Variants in ANKRD17 observed in about 807,000 individuals in gnomAD.
ANKRD17 encodes ankyrin repeat domain 17.
ANKRD17 carries 19 observed loss-of-function variants against 229.7 expected under a neutral mutation model. The observed-to-expected ratio is 0.08, with a 90% CI of 0.06 to 0.12. The LOEUF (loss-of-function observed/expected upper bound fraction) is 0.12, where lower values mean the gene tolerates loss of function less well. Among genes scored for constraint, ANKRD17 ranks in the 10% least tolerant of loss-of-function variants. The pLI is 1.00. For missense variants in ANKRD17, 2,176 were observed against 3,176.8 expected (o/e 0.68, Z 7.57); for synonymous variants, 1,112 against 1,146.1 (o/e 0.97, Z 0.60).
At chr4:73,098,901 G>C in intron 25 of ANKRD17, 8 of 1,145,122 alleles carry the variant, frequency 7.0e-6, no homozygotes, top group Non-Finnish European at 1.1e-5. Context: ...CGGGGCCGGG[G>C]CAGGCCCCGC....
rs995575981 is a variant in ANKRD17 at position 73,074,790 on chromosome 4, A to C, written c.*1441T>G. ...AAAAAGAAGACAAATTGATATATAC[A>C]TTACTCGATTTTTATGCTTACTTTC... On this transcript the variant is annotated 3_prime_UTR_variant, in exon 34 of 34. Coordinates refer to ENST00000358602, the MANE Select transcript of ANKRD17 (RefSeq NM_032217.5). 6.6e-6 allele frequency: 1 copy of C among 152,414 alleles called. No homozygotes were observed. Among genetic ancestry groups the C allele is most frequent in the African/African-American group, 2.4e-5 (1 of 41,442 alleles). 9.4% of individuals were successfully genotyped at this position (152,414 alleles called of 1,614,324 possible).
intron 16 of ANKRD17, among the ~76,000 whole-genome samples, chr4:73,128,637 A>T (rs1453277402): frequency 6.6e-6 from 1 of 152,216 alleles, no homozygotes; most frequent in Non-Finnish European, 1.5e-5. Flanking sequence ...ACAGGACTCA[A>T]AGAAGCTTAC....
At chr4:73,086,587 C>T (rs569157026) in intron 29 of ANKRD17, among the ~76,000 whole-genome samples, 3 of 151,048 alleles carry the variant, frequency 2.0e-5, no homozygotes, top group South Asian at 4.2e-4. Flanking sequence ...TAATTGTCAA[C>T]GATTTTTTTT....
chr4:73,142,519 A>G (rs755509533), intron 12 of ANKRD17, 121 bp downstream of exon 12: 85 of 1,584,734 alleles, frequency 5.4e-5, no homozygotes, highest in Non-Finnish European at 7.2e-5. Context: ...CTTCAAGTGA[A>G]AAAGGAGAAA....
chr4:73,232,612 C>T (rs1474432740), intron 1 of ANKRD17, among the ~76,000 whole-genome samples: 1 of 152,154 alleles, frequency 6.6e-6, no homozygotes, highest in Non-Finnish European at 1.5e-5. Flanking sequence ...ATCCCTGTGT[C>T]TTCTATTTGT....
Position 73,078,686 on chromosome 4 carries a change from C to T in ANKRD17, c.7364G>A (p.Gly2455Glu), listed in dbSNP as rs1442849943. Residue 2455 changes from glycine to glutamate, a missense_variant, in exon 31 of 34, where the codon GGA becomes GAA. By Grantham distance (98) the Gly-to-Glu change is moderately conservative. This residue lies in a region of ANKRD17 where 159 missense variants were observed against 214.3 expected (regional missense o/e 0.74). Transcript: ENST00000358602. ...TTCAAAGGACCAGATGCCACTATGT[C>T]CTACTGATGTAGACAAATTGCTCCC... ...VIGSNLSTSV[G>E]HSGIWSFEGI... 6.2e-7 allele frequency: 1 copy of T among 1,614,108 alleles called. No homozygotes were observed. The highest frequency in any genetic ancestry group is 1.3e-5 in the African/African-American group (1 of 74,940).
At chr4:73,077,648 C>T in intron 31 of ANKRD17, 115 bp from the exon 32 acceptor site, 2 of 863,160 alleles carry the variant, frequency 2.3e-6, no homozygotes. Context: ...ATATAATGAC[C>T]TACTTTTATA....
chr4:73,092,405 TG>T, intron 28 of ANKRD17, 105 bp from the exon 29 acceptor site: 1 of 889,438 alleles, frequency 1.1e-6, no homozygotes, highest in Non-Finnish European at 1.7e-6. Context: ...CAGTTTTGTG[TG>T]TATATACATA....
chr4:73,230,254 T>C (rs1288771262), intron 1 of ANKRD17, among the ~76,000 whole-genome samples: 1 of 152,126 alleles, frequency 6.6e-6, no homozygotes, highest in East Asian at 1.9e-4. Flanking sequence ...TAGTATCCAG[T>C]AGTATATTCT....
chr4:73,096,931 G>T (rs982711844), intron 27 of ANKRD17, among the ~76,000 whole-genome samples, 186 bp downstream of exon 27: 1 of 152,134 alleles, frequency 6.6e-6, no homozygotes, highest in Non-Finnish European at 1.5e-5. Context: ...CTTTTGAGGG[G>T]CCAAATTAAC....
intron 1 of ANKRD17, among the ~76,000 whole-genome samples, chr4:73,179,526 T>A (rs1389138269): frequency 1.6e-5 from 2 of 125,520 alleles, no homozygotes; most frequent in African/African-American, 3.1e-5. Flanking sequence ...ATATTTTTTT[T>A]TTTTTTTTTA....
At chr4:73,078,936 C>T (rs1350993005) in intron 30 of ANKRD17, 46 bp from the exon 31 acceptor site, 1 of 1,532,642 alleles carries the variant, frequency 6.5e-7, no homozygotes, top group Admixed American at 2.2e-5. Flanking sequence ...ATCTATAGAA[C>T]ATGTAATTTT....
chr4:73,192,834 ATTAG>A (rs1349945932), intron 1 of ANKRD17, among the ~76,000 whole-genome samples: 1 of 152,196 alleles, frequency 6.6e-6, no homozygotes, highest in African/African-American at 2.4e-5. Context: ...TATTGTAAGA[ATTAG>A]TTAAAGCAAC....
At chr4:73,135,799 G>A (rs115141429) in intron 15 of ANKRD17, among the ~76,000 whole-genome samples, 1 of 152,046 alleles carries the variant, frequency 6.6e-6, no homozygotes, top group African/African-American at 2.4e-5. Flanking sequence ...GTAATATTCT[G>A]CATTGTAGCC....
intron 24 of ANKRD17, chr4:73,113,019 CT>C: frequency 1.0e-6 from 1 of 955,486 alleles, no homozygotes; most frequent in South Asian, 2.4e-5. Flanking sequence ...AGCTCCTGAC[CT>C]CAGGTGATGT....
At chr4:73,171,449 T>C (rs923437082) in intron 2 of ANKRD17, among the ~76,000 whole-genome samples, 7 of 152,062 alleles carry the variant, frequency 4.6e-5, no homozygotes, top group Non-Finnish European at 7.4e-5. Context: ...GAAGGACAGG[T>C]ACAAACAAGT....
Position 73,137,891 on chromosome 4 carries a change from T to A in ANKRD17, c.3085+1640A>T, listed in dbSNP as rs1729112431. On this transcript the variant is annotated intron_variant, in intron 15 of 33. Transcript: ENST00000358602. ...CTTTACAAACTTCTGATAATTCTGA[T>A]CAGCATACAAAACTGTACAACTAGC... Among the ~76,000 whole-genome samples the A allele has an allele frequency of 2.0e-5, 3 of 152,204 alleles. No individual in the cohort carries two copies. The South Asian group carries it at 6.2e-4, about 31-fold the overall frequency.
chr4:73,144,037 G>T (rs1729930594), intron 11 of ANKRD17, among the ~76,000 whole-genome samples: 1 of 152,100 alleles, frequency 6.6e-6, no homozygotes, highest in South Asian at 2.1e-4. Context: ...CACCACACCT[G>T]GCTTCCTCTT....
rs375736152 is a variant in ANKRD17, at chr4:73,090,885, G to C, written c.6743C>G (p.Pro2248Arg). ...NKPIAPNFSAPLPFGPFSTLF... is the reference protein window; with the variant it reads ...NKPIAPNFSARLPFGPFSTLF... Reference sequence around the variant, plus strand: ...TGTGCTAAAGGGCCCAAATGGTAAGGGGGCACTGAAATTGGGAGCAATAGG... The same window carrying C: ...TGTGCTAAAGGGCCCAAATGGTAAGCGGGCACTGAAATTGGGAGCAATAGG... Residue 2248 changes from proline to arginine, a missense_variant, in exon 29 of 34, where the codon CCC becomes CGC. Coordinates refer to ENST00000358602, the MANE Select transcript of ANKRD17 (RefSeq NM_032217.5). 6.2e-7 allele frequency: 1 copy of C among 1,614,222 alleles called. No homozygotes were observed. Among genetic ancestry groups the C allele is most frequent in the East Asian group, 2.2e-5 (1 of 44,886 alleles).
Sources: allele counts gnomAD v4.1 joint callset (sites outside exome capture counted in the v4.1 genomes callset), GRCh38; gene constraint gnomAD v4.1.1; regional missense constraint gnomAD v4.1.1; transcripts MANE v1.5; gene names NCBI Gene and HGNC (gene_info 2026-07-23, HGNC 2026-07-21).